Variants in GRIN2A observed in about 807,000 individuals in gnomAD.
GRIN2A encodes the protein glutamate receptor ionotropic, NMDA 2A.
GRIN2A carries 22 observed loss-of-function variants against 113.4 expected under a neutral mutation model. The ratio of observed to expected loss-of-function variants is 0.19; its 90% CI spans 0.14 to 0.28. The LOEUF is 0.28. Among genes scored for constraint, GRIN2A ranks in the 10% least tolerant of loss-of-function variants. GRIN2A has a pLI of 1.00. For synonymous variants in GRIN2A, 827 were observed against 738.4 expected (o/e 1.12, Z -1.94); for missense variants, 1,502 against 1,887.0 (o/e 0.80, Z 3.78).
chr16:9,856,456 T>TAA (rs546997832), intron 4 of GRIN2A, among the ~76,000 whole-genome samples: 2 of 146,892 alleles, frequency 1.4e-5, no homozygotes, highest in African/African-American at 2.5e-5. Flanking sequence ...CCGTCTCTAC[T>TAA]AAAAAAAAAA....
chr16:10,025,239 G>A (rs1355506460), intron 2 of GRIN2A, among the ~76,000 whole-genome samples: 1 of 151,344 alleles, frequency 6.6e-6, no homozygotes, highest in Non-Finnish European at 1.5e-5. Flanking sequence ...GTGGCTCTGG[G>A]GTTTAACGAA....
chr16:9,930,030 G>T (rs957038681), intron 3 of GRIN2A, among the ~76,000 whole-genome samples: 1 of 152,150 alleles, frequency 6.6e-6, no homozygotes, highest in African/African-American at 2.4e-5. Context: ...CTGGCATACG[G>T]TTCTTTTGAC....
At chr16:10,176,572 C>A (rs1329818756) in intron 2 of GRIN2A, among the ~76,000 whole-genome samples, 1 of 151,962 alleles carries the variant, frequency 6.6e-6, no homozygotes, top group Non-Finnish European at 1.5e-5. Context: ...AGCTGGAAAC[C>A]ATCATTCTCA....
chr16:9,974,667 C>T (rs1256532813), intron 2 of GRIN2A, among the ~76,000 whole-genome samples: 1 of 152,076 alleles, frequency 6.6e-6, no homozygotes, highest in African/African-American at 2.4e-5. Context: ...AATGAGTAGG[C>T]CCTATACTGA....
chr16:9,941,676 A>G lies in GRIN2A; in HGVS notation c.415-3125T>C, dbSNP rs867394656. The stretch of plus-strand genomic sequence containing the variant: ...CATTATGTGGCCTTGGATGGGGGGG[A>G]AAAAAAACACTCAGCCTTTCTAAGT... On this transcript the variant is annotated intron_variant, in intron 2 of 12. Transcript: ENST00000330684. 1.7e-4 allele frequency among the ~76,000 whole-genome samples: 25 copies of G among 151,170 alleles called. No homozygotes were observed. In the East Asian group the frequency reaches 2.5e-3, roughly 15 times the overall value.
intron 2 of GRIN2A, among the ~76,000 whole-genome samples, chr16:10,117,075 A>G (rs1023233898): frequency 6.6e-6 from 1 of 151,646 alleles, no homozygotes; most frequent in Non-Finnish European, 1.5e-5. Context: ...AAAAAAAAAA[A>G]AGTAGCTAAG....
rs576452279 is a variant in GRIN2A at position 9,775,555 on chromosome 16, A to G, written c.2357-6466T>C. 2.6e-5 allele frequency among the ~76,000 whole-genome samples: 4 copies of G among 152,356 alleles called. No homozygotes were observed. In the East Asian group the frequency reaches 5.8e-4, roughly 22 times the overall value. On this transcript the variant is annotated intron_variant, in intron 11 of 12. Transcript: ENST00000330684. ...GGCAAAATGAGATGATTGGATTTGC[A>G]TAGGGCTGGAGGCAGGAAGAAACAA...
intron 2 of GRIN2A, among the ~76,000 whole-genome samples, chr16:10,086,182 C>T (rs1462216436): frequency 6.6e-6 from 1 of 152,140 alleles, no homozygotes; most frequent in Non-Finnish European, 1.5e-5. Flanking sequence ...AGCTTTCCTT[C>T]CCATGGAGAC....
At chr16:9,985,891 C>T (rs1222310205) in intron 2 of GRIN2A, among the ~76,000 whole-genome samples, 1 of 151,890 alleles carries the variant, frequency 6.6e-6, no homozygotes, top group Admixed American at 6.6e-5. Flanking sequence ...TGATGGATAC[C>T]CCATCTACTC....
intron 4 of GRIN2A, among the ~76,000 whole-genome samples, chr16:9,872,763 T>G (rs1334353613): frequency 6.6e-6 from 1 of 152,084 alleles, no homozygotes; most frequent in Non-Finnish European, 1.5e-5. Flanking sequence ...TGGCTCACGC[T>G]TTTAATCCCA....
intron 2 of GRIN2A, among the ~76,000 whole-genome samples, chr16:10,004,166 A>C (rs560454529): frequency 6.6e-6 from 1 of 152,148 alleles, no homozygotes; most frequent in African/African-American, 2.4e-5. Flanking sequence ...TGAGGCGGGC[A>C]CATCACGAAG....
intron 2 of GRIN2A, among the ~76,000 whole-genome samples, chr16:9,992,097 A>G (rs2141819885): frequency 6.6e-6 from 1 of 152,348 alleles, no homozygotes; most frequent in East Asian, 1.9e-4. Flanking sequence ...AAGGACGTCA[A>G]GTTCCCTCCA....
chr16:10,036,459 T>C (rs1032494491), intron 2 of GRIN2A, among the ~76,000 whole-genome samples: 7 of 67,912 alleles, frequency 1.0e-4, no homozygotes, highest in Non-Finnish European at 1.4e-4. Context: ...CTTTTTTTTT[T>C]TTTTTTTTTT....
In GRIN2A at chr16:10,036,496, T is replaced by C. The variant is rs187378238; in HGVS notation, c.415-97945A>G. Reference sequence around the variant, plus strand: ...TTTTTTGAGATGGATTCTCACTCTGTCACCCAGGCTGGAGTGCAGTGGCGC... The same window carrying C: ...TTTTTTGAGATGGATTCTCACTCTGCCACCCAGGCTGGAGTGCAGTGGCGC... On this transcript the variant is annotated intron_variant, in intron 2 of 12. Coordinates refer to ENST00000330684, the MANE Select transcript of GRIN2A (RefSeq NM_001134407.3). Among the ~76,000 whole-genome samples, 655 of 140,074 alleles carry C rather than the reference T, an allele frequency of 4.7e-3. 11 individuals are homozygous for C. Among genetic ancestry groups the C allele is most frequent in the African/African-American group, 0.017 (625 of 36,774 alleles). The allele number at this position is 140,074 out of a possible 152,430, so 91.9% of individuals were successfully genotyped here. A position where few individuals can be genotyped will look rare whatever the true frequency, so the allele number is the denominator to read the frequency against.
rs1567271694 is a variant in GRIN2A at position 9,759,815 on chromosome 16, T to G, written c.*3334A>C. ...ATAGGGACTTGCCAGCTCAGAGCAT[T>G]GAAACCATAAGTGGCCTAAGAACCT... On this transcript the variant is annotated 3_prime_UTR_variant, in exon 13 of 13. Coordinates refer to ENST00000330684, the MANE Select transcript of GRIN2A (RefSeq NM_001134407.3). 3 of 229,230 alleles carry G rather than the reference T, an allele frequency of 1.3e-5. No individual in the cohort carries two copies. The highest frequency in any genetic ancestry group is 5.7e-5 in the Admixed American group (1 of 17,640). 14.2% of individuals were successfully genotyped at this position (229,230 alleles called of 1,614,324 possible). A position where few individuals can be genotyped will look rare whatever the true frequency, so the allele number is the denominator to read the frequency against.
chr16:10,148,076 G>A (rs1237731510), intron 2 of GRIN2A, among the ~76,000 whole-genome samples: 1 of 152,106 alleles, frequency 6.6e-6, no homozygotes, highest in African/African-American at 2.4e-5. Context: ...GTTGCTCCCT[G>A]TCAGCCTCCT....
At chr16:9,769,568 G>A (rs1321377926) in intron 11 of GRIN2A, among the ~76,000 whole-genome samples, 3 of 150,520 alleles carry the variant, frequency 2.0e-5, no homozygotes, top group East Asian at 2.0e-4. Flanking sequence ...AGGGCAGAAC[G>A]TGACAATAGA....
At chr16:10,128,753 G>T (rs549888736) in intron 2 of GRIN2A, among the ~76,000 whole-genome samples, 12 of 152,298 alleles carry the variant, frequency 7.9e-5, no homozygotes, top group Admixed American at 2.0e-4. Context: ...CTAAGAAACA[G>T]ATGCAAAACA....
intron 4 of GRIN2A, among the ~76,000 whole-genome samples, chr16:9,884,582 C>T (rs1383077335): frequency 6.6e-6 from 1 of 151,756 alleles, no homozygotes; most frequent in East Asian, 1.9e-4. Flanking sequence ...ATAAACAAAG[C>T]TACTATAACC....
Sources: gnomAD v4.1 joint callset for allele counts (sites outside exome capture counted in the v4.1 genomes callset) on GRCh38, gnomAD v4.1.1 for gene constraint, MANE v1.5 for transcripts, NCBI Gene and HGNC (gene_info 2026-07-23, HGNC 2026-07-21) for gene names.